Variants in NLRC4 observed in about 807,000 individuals in gnomAD.
NLRC4 encodes the protein NLR family CARD domain containing 4.
NLRC4 carries 63 observed loss-of-function variants against 79.9 expected under a neutral mutation model. The ratio of observed to expected loss-of-function variants is 0.79; its 90% CI spans 0.64 to 0.97. NLRC4 has a LOEUF of 0.97. NLRC4 is among the 50% of genes least tolerant of loss of function. NLRC4 has a pLI of 0.00. For missense variants in NLRC4, 1,074 were observed against 1,215.2 expected (o/e 0.88, Z 1.73); for synonymous variants, 461 against 456.5 (o/e 1.01, Z -0.12).
chr2:32,239,143 T>C (rs1043826773), intron 5 of NLRC4, among the ~76,000 whole-genome samples: 1 of 152,040 alleles, frequency 6.6e-6, no homozygotes, highest in African/African-American at 2.4e-5. Context: ...TAGCTGGGCG[T>C]GATGGTGCAC....
At position 32,235,508 on chromosome 2, in the gene NLRC4, ACGT is replaced by A. The variant is rs1217280032; in HGVS notation, c.2672_2674del (p.Asp891del). On this transcript the variant is annotated inframe_deletion, in exon 8 of 9. Coordinates refer to ENST00000402280, the MANE Select transcript of NLRC4 (RefSeq NM_001199138.2). Reference sequence around the variant, plus strand: ...CAACAGGCTGCTCAGGCTGCCTTGCACGTCACAGCCCCAGGGCAGCATCAGTGC... The same window carrying A: ...CAACAGGCTGCTCAGGCTGCCTTGCACACAGCCCCAGGGCAGCATCAGTGC... The A allele has an allele frequency of 2.5e-6, 4 of 1,614,018 alleles. No individual in the cohort carries two copies. The highest frequency in any genetic ancestry group is 3.4e-6 in the Non-Finnish European group (4 of 1,179,982).
Position 32,249,873 on chromosome 2 carries a change from A to G in NLRC4, c.1991T>C (p.Val664Ala), listed in dbSNP as rs1687025498. The G allele has an allele frequency of 1.2e-6, 2 of 1,614,140 alleles. No individual in the cohort carries two copies. The highest frequency in any genetic ancestry group is 1.7e-6 in the Non-Finnish European group (2 of 1,180,020). Residue 664 changes from valine to alanine, a missense_variant, in exon 4 of 9, where the codon GTC becomes GCC. Coordinates refer to ENST00000402280, the MANE Select transcript of NLRC4 (RefSeq NM_001199138.2). ...CAACTTGCTGAAATCCCGGAGTGTG[A>G]CCTCCAGAGTCCTGAATTCCTGCTT... Reference protein sequence around the residue: ...NWKQEFRTLEVTLRDFSKLNK... With the variant: ...NWKQEFRTLEATLRDFSKLNK...
At chr2:32,260,956 G>A (rs1357302102) in intron 1 of NLRC4, among the ~76,000 whole-genome samples, 10 of 152,028 alleles carry the variant, frequency 6.6e-5, no homozygotes, top group Non-Finnish European at 1.0e-4. Context: ...ACTTTGGGAG[G>A]CTGAGGCAGG....
intron 1 of NLRC4, among the ~76,000 whole-genome samples, chr2:32,261,298 G>A (rs1004201470): frequency 5.0e-5 from 6 of 118,882 alleles, no homozygotes; most frequent in Admixed American, 9.2e-5. Context: ...TCTTTCTTTC[G>A]CCTATTAAGC....
chr2:32,225,137 T>A (rs1433129879), intron 8 of NLRC4, among the ~76,000 whole-genome samples: 1 of 152,196 alleles, frequency 6.6e-6, no homozygotes, highest in Non-Finnish European at 1.5e-5. Flanking sequence ...CAATATTAAG[T>A]CGTTTCCTCT....
In NLRC4 at chr2:32,236,749, GAAC is replaced by G. The variant is rs773963639; in HGVS notation, c.2522-413_2522-411del. 4.6e-5 allele frequency among the ~76,000 whole-genome samples: 7 copies of G among 151,816 alleles called. No individual in the cohort carries two copies. The South Asian group carries it at 1.0e-3, about 23-fold the overall frequency. ...GCCGTTAATCATGCAGGAGAAACAG[GAAC>G]AACAACAACAACAAAAATGAAATGA... is the stretch of plus-strand genomic sequence containing the variant. On this transcript the variant is annotated intron_variant, in intron 6 of 8. Coordinates refer to ENST00000402280, the MANE Select transcript of NLRC4 (RefSeq NM_001199138.2).
intron 4 of NLRC4, among the ~76,000 whole-genome samples, chr2:32,247,017 C>G (rs1180553454): frequency 1.3e-5 from 2 of 152,232 alleles, no homozygotes; most frequent in Non-Finnish European, 2.9e-5. Context: ...CTTGGCCTCC[C>G]AAAGTGTTGG....
intron 4 of NLRC4, among the ~76,000 whole-genome samples, chr2:32,247,247 TGG>T (rs2148940131): frequency 6.6e-6 from 1 of 152,044 alleles, no homozygotes; most frequent in African/African-American, 2.4e-5. Flanking sequence ...TGGGTAGAGA[TGG>T]GGGTGCTCGC....
chr2:32,244,686 C>T (rs1686888544), intron 4 of NLRC4, among the ~76,000 whole-genome samples: 1 of 152,092 alleles, frequency 6.6e-6, no homozygotes, highest in Non-Finnish European at 1.5e-5. Context: ...AAAAAAAACC[C>T]TTCTAAAACT....
chr2:32,244,608 G>A (rs902669726), intron 4 of NLRC4, among the ~76,000 whole-genome samples: 2 of 151,968 alleles, frequency 1.3e-5, no homozygotes, highest in African/African-American at 4.8e-5. Context: ...CATTCTTTTC[G>A]AAGATAACAT....
chr2:32,259,287 T>TTTTTTTTTTTTC (rs1283926253), intron 1 of NLRC4, among the ~76,000 whole-genome samples: 1 of 135,412 alleles, frequency 7.4e-6, no homozygotes, highest in African/African-American at 2.9e-5. Context: ...TTTTTTTTTT[T>TTTTTTTTTTTTC]TTTAGAGACA....
chr2:32,251,043 A>G lies in NLRC4; in HGVS notation c.821T>C (p.Met274Thr), dbSNP rs149415203. ...LIKENHRFKN[M>T]VIVTTTTECL... The stretch of plus-strand genomic sequence containing the variant: ...CTCAGTGGTAGTGGTGACGATGACC[A>G]TGTTCTTGAAGCGGTGGTTTTCCTT... Residue 274 changes from methionine to threonine, a missense_variant, in exon 4 of 9, where the codon ATG becomes ACG. Met to Thr is a moderately conservative substitution (Grantham distance 81, BLOSUM62 -1). Coordinates refer to ENST00000402280, the MANE Select transcript of NLRC4 (RefSeq NM_001199138.2). 6.2e-7 allele frequency: 1 copy of G among 1,614,204 alleles called. No homozygotes were observed. Among genetic ancestry groups the G allele is most frequent in the East Asian group, 2.2e-5 (1 of 44,882 alleles).
In NLRC4 at chr2:32,261,316, C is replaced by CTTTTTTTTTTTTTTTT. The variant is rs751434892; in HGVS notation, c.-119+3421_-119+3422insAAAAAAAAAAAAAAAA. 2.8e-3 allele frequency among the ~76,000 whole-genome samples: 267 copies of CTTTTTTTTTTTTTTTT among 96,728 alleles called. 17 individuals are homozygous for CTTTTTTTTTTTTTTTT. Among genetic ancestry groups the CTTTTTTTTTTTTTTTT allele is most frequent in the African/African-American group, 3.1e-3 (75 of 24,180 alleles). The allele number at this position is 96,728 out of a possible 152,430, so 63.5% of individuals were successfully genotyped here. A position where few individuals can be genotyped will look rare whatever the true frequency, so the allele number is the denominator to read the frequency against. On this transcript the variant is annotated intron_variant, in intron 1 of 8. Coordinates refer to ENST00000402280, the MANE Select transcript of NLRC4 (RefSeq NM_001199138.2). The stretch of plus-strand genomic sequence containing the variant: ...TTCTTTCGCCTATTAAGCCTCCCCC[C>CTTTTTTTTTTTTTTTT]TTTTGTTTTTTTTTGAGATGGAGCC...
chr2:32,256,048 A>G (rs1302988074), intron 2 of NLRC4, among the ~76,000 whole-genome samples: 1 of 152,108 alleles, frequency 6.6e-6, no homozygotes. Flanking sequence ...AAAAATATAT[A>G]TATAAACAGT....
intron 8 of NLRC4, among the ~76,000 whole-genome samples, chr2:32,228,477 C>T (rs1043615579): frequency 4.6e-5 from 7 of 152,172 alleles, no homozygotes; most frequent in South Asian, 4.1e-4. Flanking sequence ...GAGGACAGTG[C>T]AGGATTATCA....
At chr2:32,240,230 C>T (rs1338273949) in intron 5 of NLRC4, among the ~76,000 whole-genome samples, 1 of 152,138 alleles carries the variant, frequency 6.6e-6, no homozygotes, top group Non-Finnish European at 1.5e-5. Context: ...ATCCATCTGC[C>T]TCGGCCTCCC....
At chr2:32,255,582 C>G (rs1687189975) in intron 2 of NLRC4, among the ~76,000 whole-genome samples, 1 of 150,484 alleles carries the variant, frequency 6.6e-6, no homozygotes, top group Middle Eastern at 3.2e-3. Flanking sequence ...CACACACACA[C>G]AAGTTCACAG....
At chr2:32,262,521 TCC>T (rs1687375830) in intron 1 of NLRC4, among the ~76,000 whole-genome samples, 1 of 152,178 alleles carries the variant, frequency 6.6e-6, no homozygotes, top group South Asian at 2.1e-4. Context: ...ACGCTTGTAA[TCC>T]CAGTGCTTGG....
At chr2:32,244,715 A>G (rs1442307478) in intron 4 of NLRC4, among the ~76,000 whole-genome samples, 2 of 152,126 alleles carry the variant, frequency 1.3e-5, no homozygotes. Flanking sequence ...GCAGTGGCTC[A>G]TACATATAAT....
Sources: gnomAD v4.1 joint callset for allele counts (sites outside exome capture counted in the v4.1 genomes callset) on GRCh38, gnomAD v4.1.1 for gene constraint, MANE v1.5 for transcripts, NCBI Gene and HGNC (gene_info 2026-07-23, HGNC 2026-07-21) for gene names.